Variants in TRPM4 observed in about 807,000 individuals in gnomAD.
TRPM4 encodes the protein transient receptor potential cation channel subfamily M member 4.
In TRPM4, 124 loss-of-function variants were observed where a neutral mutation model predicts 135.6. The observed-to-expected ratio is 0.91, with a 90% CI of 0.79 to 1.06. The LOEUF is 1.06. TRPM4 is among the 50% of genes least tolerant of loss of function. The pLI, the probability that TRPM4 is intolerant of heterozygous loss-of-function variation, is 0.00. For synonymous variants in TRPM4, 745 were observed against 705.6 expected, an observed-to-expected ratio of 1.06 and a Z score of -0.88; for missense variants, 1,658 against 1,671.4, an observed-to-expected ratio of 0.99 and a Z score of 0.14.
At chr19:49,190,897 T>A (rs754341176) in intron 16 of TRPM4, 124 bp downstream of exon 16, 3 of 741,424 alleles carry the variant, frequency 4.0e-6, no homozygotes, top group Non-Finnish European at 6.7e-6. Flanking sequence ...TGAGACTGAG[T>A]AATTTATAAA....
intron 19 of TRPM4, among the ~76,000 whole-genome samples, chr19:49,201,028 G>T: frequency 6.7e-6 from 1 of 149,208 alleles, no homozygotes; most frequent in Non-Finnish European, 1.5e-5. Flanking sequence ...TTTTGAGATG[G>T]ATGTTAGAAA....
Position 49,182,920 on chromosome 19 carries a change from A to C in TRPM4, c.1606A>C (p.Ser536Arg). The part of the protein sequence containing the change: ...DPHPGQGFGE[S>R]MYLLSDKATS... Reference sequence around the variant, plus strand: ...TCACCCAGGCCAGGGCTTCGGGGAGAGCGTAAGGACCGGGCAAAGCTGGGG... The same window carrying C: ...TCACCCAGGCCAGGGCTTCGGGGAGCGCGTAAGGACCGGGCAAAGCTGGGG... Residue 536 changes from serine to arginine, a missense_variant and splice_region_variant, in exon 11 of 25, where the codon AGC becomes CGC. Around this residue, in one of 3 missense-constraint regions of TRPM4, gnomAD observed 1,412 missense variants for 1,408.7 expected, o/e 1.00. Coordinates refer to ENST00000252826, the MANE Select transcript of TRPM4 (RefSeq NM_017636.4). 1 of 1,590,622 alleles carries C rather than the reference A, an allele frequency of 6.3e-7. No homozygotes were observed. Among genetic ancestry groups the C allele is most frequent in the South Asian group, 1.1e-5 (1 of 87,918 alleles).
In TRPM4 at chr19:49,188,640, G is replaced by C. The variant is rs1372687517; in HGVS notation, c.1744-1G>C. ...CATCCGTGCCCTCTTTGTCTCTCCA[G>C]GGTTCCAATGCAGTTTCCTCAGCTC... On this transcript the variant is annotated splice_acceptor_variant, in intron 12 of 24. Coordinates refer to ENST00000252826, the MANE Select transcript of TRPM4 (RefSeq NM_017636.4). LOFTEE classifies it high-confidence loss of function. 6.2e-7 allele frequency: 1 copy of C among 1,614,162 alleles called. No homozygotes were observed. The highest frequency in any genetic ancestry group is 8.5e-7 in the Non-Finnish European group (1 of 1,180,038).
Position 49,196,430 on chromosome 19 carries a change from T to C in TRPM4, c.2211-10T>C. 1.3e-6 allele frequency: 2 copies of C among 1,530,702 alleles called. No homozygotes were observed. The highest frequency in any genetic ancestry group is 8.8e-7 in the Non-Finnish European group (1 of 1,142,008). 94.8% of individuals were successfully genotyped at this position (1,530,702 alleles called of 1,614,324 possible). On this transcript the variant is annotated splice_polypyrimidine_tract_variant and intron_variant, in intron 16 of 24. Transcript: ENST00000252826. ...TGAGGCCTCCTCCCTTCTCTTCTCT[T>C]CCCCCACAGGACGGCGGACCCAGCC... is the stretch of plus-strand genomic sequence containing the variant.
intron 2 of TRPM4, among the ~76,000 whole-genome samples, chr19:49,163,310 C>A (rs923663976): frequency 1.3e-5 from 2 of 151,680 alleles, no homozygotes; most frequent in Non-Finnish European, 2.9e-5. Flanking sequence ...ATTCTCCTGC[C>A]TCAGCCTCCT....
chr19:49,174,677 G>A (rs1056865946), intron 9 of TRPM4, among the ~76,000 whole-genome samples: 2 of 150,198 alleles, frequency 1.3e-5, no homozygotes, highest in Non-Finnish European at 3.0e-5. Context: ...CAGGGGAATC[G>A]CTCGAACCTA....
At position 49,210,296 on chromosome 19, in the gene TRPM4, C is replaced by G; in HGVS notation, c.3219C>G (p.Pro1073=). The change falls in exon 21 of 25, where the codon CCC becomes CCG. Residue 1073 remains proline, a synonymous_variant. Coordinates refer to ENST00000252826, the MANE Select transcript of TRPM4 (RefSeq NM_017636.4). The surrounding 1 kb of genome is among the most constrained non-coding windows in gnomAD (Gnocchi z 4.1). Reference sequence around the variant, plus strand: ...TCATCCGGGAATTCCACTCTCGGCCCGCGCTGGCCCCGCCCTTTATCGTCA... The same window carrying G: ...TCATCCGGGAATTCCACTCTCGGCCGGCGCTGGCCCCGCCCTTTATCGTCA... ...YRLIREFHSR[P]ALAPPFIVIS... 1.2e-6 allele frequency: 2 copies of G among 1,614,256 alleles called. No individual in the cohort carries two copies. Among genetic ancestry groups the G allele is most frequent in the African/African-American group, 1.3e-5 (1 of 75,072 alleles).
At chr19:49,190,844 G>C (rs112944944) in intron 16 of TRPM4, 71 bp downstream of exon 16, 2 of 1,358,044 alleles carry the variant, frequency 1.5e-6, no homozygotes, top group Non-Finnish European at 2.1e-6. Flanking sequence ...CCAGTTCCAC[G>C]TTGTGTTAGT....
At chr19:49,206,199 G>T (rs1375743048) in intron 20 of TRPM4, among the ~76,000 whole-genome samples, 1 of 151,886 alleles carries the variant, frequency 6.6e-6, no homozygotes, top group East Asian at 2.0e-4. Context: ...CTGACCTCAG[G>T]TGATCTGCCT....
rs1969364868 is a variant in TRPM4 at position 49,211,405 on chromosome 19, GTCTT to G, written c.3641-84_3641-81del. On this transcript the variant is annotated intron_variant, in intron 24 of 24. Coordinates refer to ENST00000252826, the MANE Select transcript of TRPM4 (RefSeq NM_017636.4). This position sits in a 1 kb window ranked among gnomAD's most constrained non-coding sequence, Gnocchi z 4.8. ...TTGAGCCTTTTGTACTCTCGCCTTC[GTCTT>G]TCTTCTTTTTTGCCAGTCTCCCAGT... is the stretch of plus-strand genomic sequence containing the variant. 6.2e-7 allele frequency: 1 copy of G among 1,604,064 alleles called. No individual in the cohort carries two copies. Among genetic ancestry groups the G allele is most frequent in the Non-Finnish European group, 8.5e-7 (1 of 1,173,456 alleles).
Position 49,182,885 on chromosome 19 carries a change from C to T in TRPM4, c.1571C>T (p.Ala524Val), listed in dbSNP as rs543910756. ...MCAPRYPSGGAWDPHPGQGFG... is the reference protein window; with the variant it reads ...MCAPRYPSGGVWDPHPGQGFG... ...GCGCCGAGGTACCCCTCCGGGGGCG[C>T]CTGGGACCCTCACCCAGGCCAGGGC... Residue 524 changes from alanine (A) to valine (V), a missense_variant, in exon 11 of 25, where the codon GCC becomes GTC. By Grantham distance (64) the Ala-to-Val change is moderately conservative. Transcript: ENST00000252826. 1.9e-6 allele frequency: 3 copies of T among 1,601,936 alleles called. No individual in the cohort carries two copies. Among genetic ancestry groups the T allele is most frequent in the Non-Finnish European group, 2.6e-6 (3 of 1,173,868 alleles).
At chr19:49,189,795 A>G (rs895040480) in intron 14 of TRPM4, among the ~76,000 whole-genome samples, 3 of 152,200 alleles carry the variant, frequency 2.0e-5, no homozygotes, top group African/African-American at 7.2e-5. Context: ...CATTTCAAAC[A>G]GCTACCCAGA....
At position 49,188,671 on chromosome 19, in the gene TRPM4, G is replaced by A. The variant is rs987948052; in HGVS notation, c.1774G>A (p.Ala592Thr). The change falls in exon 13 of 25, where the codon GCC becomes ACC. Residue 592 changes from alanine (A) to threonine (T), a missense_variant. Transcript: ENST00000252826. ...CAATGCAGTTTCCTCAGCTCTTGGG[G>A]CCTGTTTGCTGCTCCGGGTGATGGC... ...GSNAVSSALG[A>T]CLLLRVMARL... is the part of the protein sequence containing the mutation. The A allele has an allele frequency of 2.5e-6, 4 of 1,614,140 alleles. No homozygotes were observed. The African/African-American group carries it at 5.3e-5, about 22-fold the overall frequency.
rs539470039 is a variant in TRPM4, at chr19:49,210,790, G to T, written c.3409G>T (p.Ala1137Ser). 15 of 1,613,916 alleles carry T rather than the reference G, an allele frequency of 9.3e-6. No homozygotes were observed. The highest frequency in any genetic ancestry group is 5.0e-5 in the Admixed American group (3 of 60,002). The change falls in exon 22 of 25, where the codon GCT becomes TCT. Residue 1137 changes from alanine (A) to serine (S), a missense_variant. This residue lies in a region of TRPM4 where 1,412 missense variants were observed against 1,408.7 expected (regional missense o/e 1.00). Coordinates refer to ENST00000252826, the MANE Select transcript of TRPM4 (RefSeq NM_017636.4). This position sits in a 1 kb window ranked among gnomAD's most constrained non-coding sequence, Gnocchi z 4.1. ...VHKENFLLAR[A>S]RDKRESDSER... ...TAAGGAGAACTTTCTGCTGGCACGC[G>T]CTAGGGACAAGCGGGAGAGCGACTC... is the stretch of plus-strand genomic sequence containing the variant.
At chr19:49,163,171 G>A (rs777991030) in intron 2 of TRPM4, among the ~76,000 whole-genome samples, 5 of 149,098 alleles carry the variant, frequency 3.4e-5, no homozygotes, top group African/African-American at 4.9e-5. Flanking sequence ...AGACTATTCC[G>A]TGAAGAGCTT....
chr19:49,171,812 G>C lies in TRPM4; in HGVS notation c.1050+43G>C. On this transcript the variant is annotated intron_variant, in intron 8 of 24. Coordinates refer to ENST00000252826, the MANE Select transcript of TRPM4 (RefSeq NM_017636.4). This position sits in a 1 kb window ranked among gnomAD's most constrained non-coding sequence, Gnocchi z 4.7. ...CAACTCTGGATCCTGAGATGGGAGGGAACTGGGGACTTGGGCTCCTGGGTC... is the reference window on the plus strand; with the variant it reads ...CAACTCTGGATCCTGAGATGGGAGGCAACTGGGGACTTGGGCTCCTGGGTC... 1 of 1,589,478 alleles carries C rather than the reference G, an allele frequency of 6.3e-7. No individual in the cohort carries two copies. Among genetic ancestry groups the C allele is most frequent in the Non-Finnish European group, 8.6e-7 (1 of 1,166,136 alleles).
At position 49,175,067 on chromosome 19, in the gene TRPM4, C is replaced by CTTTT. The variant is rs772062913; in HGVS notation, c.1150+2981_1150+2984dup. ...CACAGGCATGTGCCATCATGCCTGG[C>CTTTT]TTTTTTTTTTTTTTTTTTTTTTTTT... On this transcript the variant is annotated intron_variant, in intron 9 of 24. Transcript: ENST00000252826. Among the ~76,000 whole-genome samples the CTTTT allele has an allele frequency of 1.2e-3, 91 of 77,582 alleles. 2 individuals are homozygous for CTTTT. The highest frequency in any genetic ancestry group is 3.8e-3 in the African/African-American group (52 of 13,534). The allele number at this position is 77,582 out of a possible 152,430, so 50.9% of individuals were successfully genotyped here. A position where few individuals can be genotyped will look rare whatever the true frequency, so the allele number is the denominator to read the frequency against.
chr19:49,168,562 C>T lies in TRPM4; in HGVS notation c.622C>T (p.Pro208Ser), dbSNP rs1209555826. The T allele has an allele frequency of 1.2e-6, 2 of 1,613,734 alleles. No homozygotes were observed. Among genetic ancestry groups the T allele is most frequent in the African/African-American group, 1.3e-5 (1 of 74,874 alleles). ...DTLINPKGSF[P>S]ARYRWRGDPE... ...GCCATTTTTCCCCTAGGGCTCGTTC[C>T]CTGCGAGGTACCGGTGGCGCGGTGA... The change falls in exon 6 of 25, where the codon CCT (proline) becomes TCT (serine). Residue 208 changes from proline (P) to serine (S), a missense_variant. Physicochemically the swap from Pro to Ser is moderately conservative, Grantham distance 74 (BLOSUM62 -1). Coordinates refer to ENST00000252826, the MANE Select transcript of TRPM4 (RefSeq NM_017636.4).
intron 12 of TRPM4, among the ~76,000 whole-genome samples, chr19:49,183,554 G>C (rs1000561835): frequency 6.6e-6 from 1 of 151,554 alleles, no homozygotes; most frequent in African/African-American, 2.4e-5. Flanking sequence ...CTGCCCCCAC[G>C]CCTGGCTAAT....
Sources: gnomAD v4.1 joint callset for allele counts (sites outside exome capture counted in the v4.1 genomes callset) on GRCh38, gnomAD v4.1.1 for gene constraint, gnomAD v4.1.1 regional missense constraint, Gnocchi (gnomAD v3.1) non-coding constraint, MANE v1.5 for transcripts, NCBI Gene and HGNC (gene_info 2026-07-23, HGNC 2026-07-21) for gene names.